The following SOCS2 variants were observed in gnomAD, a reference collection of about 807,000 sequenced individuals.
SOCS2 encodes suppressor of cytokine signaling 2.
Under a neutral mutation model 18.6 loss-of-function variants are expected in SOCS2, and 10 were observed. The observed-to-expected ratio is 0.54, with a 90% CI of 0.33 to 0.91. The LOEUF is 0.91. Ranked by LOEUF, SOCS2 falls within the 40% of genes least tolerant of loss-of-function variation. SOCS2 has a pLI of 0.02. For synonymous variants in SOCS2, 104 were observed against 104.0 expected, an observed-to-expected ratio of 1.00 and a Z score of 0.00; for missense variants, 231 against 247.2, an observed-to-expected ratio of 0.93 and a Z score of 0.44.
chr12:93,585,503 CAAG>C (rs1305530742), downstream of SOCS2, among the ~76,000 whole-genome samples: 10 of 152,248 alleles, frequency 6.6e-5, no homozygotes, highest in East Asian at 1.9e-3. Flanking sequence ...TCCCCTGTGC[CAAG>C]AAGGAGAGAA....
At chr12:93,593,126 T>C in the SOCS2 span, among the ~76,000 whole-genome samples, 1 of 152,066 alleles carries the variant, frequency 6.6e-6, no homozygotes, top group African/African-American at 2.4e-5. Flanking sequence ...TGACACCAGA[T>C]TGGGTGGCCA....
the SOCS2 span, among the ~76,000 whole-genome samples, chr12:93,605,997 A>C: frequency 6.6e-6 from 1 of 152,250 alleles, no homozygotes; most frequent in Non-Finnish European, 1.5e-5. Flanking sequence ...CTCACATGAC[A>C]GTCTGGACAT....
downstream of SOCS2, among the ~76,000 whole-genome samples, chr12:93,581,428 T>A (rs1379604648): frequency 1.3e-5 from 2 of 151,944 alleles, no homozygotes; most frequent in Non-Finnish European, 2.9e-5. Context: ...TTTTTTTTTT[T>A]AATGTGTGTC....
At chr12:93,626,043 C>A in the SOCS2 span, among the ~76,000 whole-genome samples, 2 of 152,138 alleles carry the variant, frequency 1.3e-5, no homozygotes, top group Non-Finnish European at 2.9e-5. Context: ...GTGGACACCA[C>A]GGCAAATCCT....
chr12:93,578,153 A>G (rs528047006), downstream of SOCS2, among the ~76,000 whole-genome samples: 300 of 152,292 alleles, frequency 2.0e-3, 1 homozygote, highest in Non-Finnish European at 3.6e-3. Context: ...TAGTGGAGAA[A>G]AAGGCAGTTC....
the SOCS2 span, among the ~76,000 whole-genome samples, chr12:93,614,533 T>TTTC: frequency 2.1e-5 from 2 of 93,238 alleles, no homozygotes; most frequent in African/African-American, 1.2e-4. Flanking sequence ...CCTTCCTTCC[T>TTTC]TCCTTCCTTC....
chr12:93,614,482 TCCTTCCTTCCTTCCTTCCTTCCTTCCTTC>T, the SOCS2 span, among the ~76,000 whole-genome samples: 1 of 20,322 alleles, frequency 4.9e-5, no homozygotes, highest in Non-Finnish European at 8.5e-5. Context: ...TTCCTTCCTT[TCCTTCCTTCCTTCCTTCCTTCCTTCCTTC>T]CTTCCTTCCT....
chr12:93,601,613 T>C, the SOCS2 span, among the ~76,000 whole-genome samples: 1 of 152,178 alleles, frequency 6.6e-6, no homozygotes, highest in African/African-American at 2.4e-5. Context: ...CTGGCCAAAG[T>C]CTGGATTTTT....
chr12:93,600,647 C>G, the SOCS2 span, among the ~76,000 whole-genome samples: 1 of 151,406 alleles, frequency 6.6e-6, no homozygotes, highest in African/African-American at 2.4e-5. Context: ...TTTTATGTAC[C>G]TCAATCAAGC....
At chr12:93,601,376 G>A in the SOCS2 span, among the ~76,000 whole-genome samples, 4 of 152,104 alleles carry the variant, frequency 2.6e-5, no homozygotes, top group African/African-American at 9.7e-5. Flanking sequence ...CTGGGTTCAA[G>A]GGATTTTCCA....
chr12:93,579,860 T>C (rs1311361029), downstream of SOCS2, among the ~76,000 whole-genome samples: 3 of 152,188 alleles, frequency 2.0e-5, no homozygotes, highest in Non-Finnish European at 2.9e-5. Context: ...CCACAGAGAA[T>C]AGGACTTACT....
At chr12:93,585,132 T>G (rs1388684053), downstream of SOCS2, among the ~76,000 whole-genome samples, 1 of 152,090 alleles carries the variant, frequency 6.6e-6, no homozygotes, top group Non-Finnish European at 1.5e-5. Flanking sequence ...CTCTTCCCTA[T>G]CACTCCTTTC....
At chr12:93,588,246 A>G (rs1954596218), downstream of SOCS2, among the ~76,000 whole-genome samples, 1 of 152,214 alleles carries the variant, frequency 6.6e-6, no homozygotes, top group African/African-American at 2.4e-5. Context: ...CAGTTGTTGT[A>G]GGTATTTCAA....
At chr12:93,612,565 A>C in the SOCS2 span, among the ~76,000 whole-genome samples, 2,314 of 152,266 alleles carry the variant, frequency 0.015, 69 homozygotes, top group African/African-American at 0.053. Flanking sequence ...TACTCCCTAA[A>C]GCAAACTATG....
chr12:93,607,533 C>T, the SOCS2 span, among the ~76,000 whole-genome samples: 4,812 of 152,208 alleles, frequency 0.032, 255 homozygotes, highest in African/African-American at 0.11. Flanking sequence ...CCTTTGGAAA[C>T]GTTAAAATTG....
the SOCS2 span, among the ~76,000 whole-genome samples, chr12:93,613,867 C>T: frequency 1.3e-5 from 2 of 152,146 alleles, no homozygotes; most frequent in East Asian, 3.8e-4. Context: ...ACATATACTA[C>T]TATAGCGTGT....
At chr12:93,623,561 C>T in the SOCS2 span, among the ~76,000 whole-genome samples, 3 of 152,142 alleles carry the variant, frequency 2.0e-5, no homozygotes, top group Admixed American at 6.5e-5. Flanking sequence ...AACGGACTTA[C>T]ACAAGCACCA....
chr12:93,612,853 G>T, the SOCS2 span, among the ~76,000 whole-genome samples: 1 of 152,110 alleles, frequency 6.6e-6, no homozygotes, highest in African/African-American at 2.4e-5. Context: ...GAATTTCTTG[G>T]GTTTCTGCCC....
chr12:93,597,711 T>G, the SOCS2 span, among the ~76,000 whole-genome samples: 1 of 152,246 alleles, frequency 6.6e-6, no homozygotes, highest in Non-Finnish European at 1.5e-5. Flanking sequence ...TAATCACCAC[T>G]CAGCCATAAC....
Sources: allele counts gnomAD v4.1 joint callset (sites outside exome capture counted in the v4.1 genomes callset), GRCh38; gene constraint gnomAD v4.1.1; transcripts MANE v1.5; gene names NCBI Gene and HGNC (gene_info 2026-07-23, HGNC 2026-07-21).